Variants in PLCXD3 observed in about 807,000 individuals in gnomAD.
The protein encoded by PLCXD3 is phosphatidylinositol specific phospholipase C X domain containing 3.
In PLCXD3, 19 loss-of-function variants were observed where a neutral mutation model predicts 25.5. The ratio of observed to expected loss-of-function variants is 0.75; its 90% CI spans 0.52 to 1.09. The LOEUF (loss-of-function observed/expected upper bound fraction) is 1.09. Ranked by LOEUF, PLCXD3 falls within the 50% of genes least tolerant of loss-of-function variation. PLCXD3 has a pLI of 0.00. For missense variants in PLCXD3, 411 were observed against 388.1 expected, an observed-to-expected ratio of 1.06 and a Z score of -0.50; for synonymous variants, 174 against 137.6, an observed-to-expected ratio of 1.26 and a Z score of -1.85.
rs1409776595 is a variant in PLCXD3, at chr5:41,307,669, CTT to C, written c.*5946_*5947del. On this transcript the variant is annotated 3_prime_UTR_variant, in exon 3 of 3. Transcript: ENST00000377801. ...CAGGGCAGTGTCTATACCTCAGACT[CTT>C]TTATTCTTCCAGCAGTGAAGACAGT... is the stretch of plus-strand genomic sequence containing the variant. 1 of 152,174 alleles carries C rather than the reference CTT, an allele frequency of 6.6e-6. No individual in the cohort carries two copies. Among genetic ancestry groups the C allele is most frequent in the East Asian group, 1.9e-4 (1 of 5,192 alleles). The allele number at this position is 152,174 out of a possible 1,614,324, so 9.4% of individuals were successfully genotyped here.
At chr5:41,404,542 A>G (rs1746295011) in intron 1 of PLCXD3, among the ~76,000 whole-genome samples, 1 of 152,156 alleles carries the variant, frequency 6.6e-6, no homozygotes, top group Admixed American at 6.6e-5. Context: ...AATATTTACT[A>G]CCATCTGTCT....
chr5:41,317,594 A>G (rs952308159), intron 2 of PLCXD3, among the ~76,000 whole-genome samples: 1 of 152,162 alleles, frequency 6.6e-6, no homozygotes, highest in African/African-American at 2.4e-5. Flanking sequence ...AGCTGTGTTA[A>G]GGAAACTCAA....
At chr5:41,353,149 G>C (rs1041030557) in intron 2 of PLCXD3, among the ~76,000 whole-genome samples, 2 of 149,616 alleles carry the variant, frequency 1.3e-5, no homozygotes, top group Admixed American at 1.3e-4. Flanking sequence ...CTGGAGTGCA[G>C]TGGCGCGATC....
chr5:41,423,618 A>T (rs1054171973), intron 1 of PLCXD3, among the ~76,000 whole-genome samples: 3 of 151,884 alleles, frequency 2.0e-5, no homozygotes, highest in Admixed American at 2.0e-4. Flanking sequence ...TTATTACTTT[A>T]TATATTTTTC....
intron 1 of PLCXD3, among the ~76,000 whole-genome samples, chr5:41,401,003 T>TA (rs1030495148): frequency 6.9e-5 from 4 of 58,102 alleles, no homozygotes; most frequent in South Asian, 6.0e-4. Flanking sequence ...TTTAAAAAGC[T>TA]AAAAAAAAAA....
intron 1 of PLCXD3, among the ~76,000 whole-genome samples, chr5:41,408,340 C>T (rs1011465095): frequency 3.9e-5 from 6 of 152,162 alleles, no homozygotes; most frequent in Non-Finnish European, 7.3e-5. Flanking sequence ...GCCTTCTTTC[C>T]TGAGCCCTGA....
intron 1 of PLCXD3, among the ~76,000 whole-genome samples, chr5:41,416,343 C>T (rs1469376584): frequency 1.3e-5 from 2 of 152,194 alleles, no homozygotes; most frequent in African/African-American, 4.8e-5. Flanking sequence ...GGACATAACT[C>T]ACATTGCTCA....
At chr5:41,381,434 C>G (rs966260218) in intron 2 of PLCXD3, among the ~76,000 whole-genome samples, 2 of 152,042 alleles carry the variant, frequency 1.3e-5, no homozygotes, top group Admixed American at 6.6e-5. Context: ...TTCAATATGA[C>G]TGGTATCCTT....
chr5:41,452,318 T>C (rs559225397), intron 1 of PLCXD3, among the ~76,000 whole-genome samples: 1 of 152,168 alleles, frequency 6.6e-6, no homozygotes, highest in South Asian at 2.1e-4. Context: ...GAAAAATCTG[T>C]ATACATAAAG....
intron 1 of PLCXD3, among the ~76,000 whole-genome samples, chr5:41,493,039 T>A (rs1179157951): frequency 6.6e-6 from 1 of 152,170 alleles, no homozygotes; most frequent in African/African-American, 2.4e-5. Context: ...TTCTACTCTG[T>A]TTTTTTCCCC....
chr5:41,489,369 C>T (rs1748598395), intron 1 of PLCXD3, among the ~76,000 whole-genome samples: 1 of 152,014 alleles, frequency 6.6e-6, no homozygotes, highest in East Asian at 1.9e-4. Flanking sequence ...AGTGTGATGC[C>T]TCCAGCTTTG....
chr5:41,349,700 C>A (rs1045098966), intron 2 of PLCXD3, among the ~76,000 whole-genome samples: 4 of 152,132 alleles, frequency 2.6e-5, no homozygotes, highest in African/African-American at 9.7e-5. Flanking sequence ...ATTTTTTGCT[C>A]CGCACTTGAG....
intron 1 of PLCXD3, among the ~76,000 whole-genome samples, chr5:41,477,442 A>G (rs1053758808): frequency 2.0e-5 from 3 of 152,090 alleles, no homozygotes; most frequent in Non-Finnish European, 2.9e-5. Context: ...ATTTGGGCCA[A>G]TTTCTTACCT....
At position 41,308,939 on chromosome 5, in the gene PLCXD3, T is replaced by A. The variant is rs2150464877; in HGVS notation, c.*4678A>T. ...GTTTGCTTGTGGGAACTCAGATAGG[T>A]TCTAAAGCCCATTCCTCACAAAATT... On this transcript the variant is annotated 3_prime_UTR_variant, in exon 3 of 3. Transcript: ENST00000377801. 6.5e-6 allele frequency: 1 copy of A among 152,690 alleles called. No individual in the cohort carries two copies. The highest frequency in any genetic ancestry group is 1.5e-5 in the Non-Finnish European group (1 of 68,000). 9.5% of individuals were successfully genotyped at this position (152,690 alleles called of 1,614,324 possible).
At chr5:41,482,507 A>G (rs1052514790) in intron 1 of PLCXD3, among the ~76,000 whole-genome samples, 5 of 152,306 alleles carry the variant, frequency 3.3e-5, no homozygotes, top group Non-Finnish European at 4.4e-5. Flanking sequence ...AGTATAATAC[A>G]TTAGTCTGAT....
chr5:41,414,421 A>G (rs1482917482), intron 1 of PLCXD3, among the ~76,000 whole-genome samples: 1 of 152,064 alleles, frequency 6.6e-6, no homozygotes, highest in Non-Finnish European at 1.5e-5. Flanking sequence ...AGGCTGGTGG[A>G]GTAGGCATTA....
At chr5:41,438,124 T>C (rs1747298815) in intron 1 of PLCXD3, among the ~76,000 whole-genome samples, 2 of 152,198 alleles carry the variant, frequency 1.3e-5, no homozygotes, top group Non-Finnish European at 2.9e-5. Context: ...AAATTGTTAC[T>C]GAATCCCTGA....
chr5:41,402,185 A>T (rs1388766728), intron 1 of PLCXD3, among the ~76,000 whole-genome samples: 1 of 151,632 alleles, frequency 6.6e-6, no homozygotes, highest in Admixed American at 6.6e-5. Context: ...TAGATCACTA[A>T]TTTTTATACC....
chr5:41,346,602 T>C (rs900372642), intron 2 of PLCXD3, among the ~76,000 whole-genome samples: 2 of 152,128 alleles, frequency 1.3e-5, no homozygotes, highest in Non-Finnish European at 2.9e-5. Context: ...TAATTTAACA[T>C]ATAAAATTTA....
Sources: allele counts gnomAD v4.1 joint callset (sites outside exome capture counted in the v4.1 genomes callset), GRCh38; gene constraint gnomAD v4.1.1; transcripts MANE v1.5; gene names NCBI Gene and HGNC (gene_info 2026-07-23, HGNC 2026-07-21).